The following CSNK1G1 variants were observed in gnomAD, a reference collection of about 807,000 sequenced individuals.
CSNK1G1 encodes the protein casein kinase 1 gamma 1.
Under a neutral mutation model 59.6 loss-of-function variants are expected in CSNK1G1, and 22 were observed. That is an observed-to-expected ratio of 0.37 (90% CI 0.26 to 0.53). The LOEUF (loss-of-function observed/expected upper bound fraction) is 0.53, where lower values mean the gene tolerates loss of function less well. Ranked by LOEUF, CSNK1G1 falls within the 20% of genes least tolerant of loss-of-function variation. CSNK1G1 has a pLI of 0.89. For missense variants in CSNK1G1, 384 were observed against 519.5 expected (o/e 0.74, Z 2.54); for synonymous variants, 179 against 177.1 (o/e 1.01, Z -0.08).
chr15:64,222,805 T>C (rs1336117357), intron 4 of CSNK1G1, among the ~76,000 whole-genome samples: 1 of 152,068 alleles, frequency 6.6e-6, no homozygotes, highest in Non-Finnish European at 1.5e-5. Context: ...AAAAACACTA[T>C]ATCTAGAGAG....
At chr15:64,204,784 C>A in intron 8 of CSNK1G1, 81 bp downstream of exon 8, 4 of 1,125,276 alleles carry the variant, frequency 3.6e-6, no homozygotes, top group Non-Finnish European at 5.4e-6. Flanking sequence ...CTAAACAGCA[C>A]CCCTATCTAG....
intron 10 of CSNK1G1, among the ~76,000 whole-genome samples, chr15:64,192,575 T>C (rs778333496): frequency 2.6e-5 from 4 of 152,116 alleles, no homozygotes; most frequent in Non-Finnish European, 5.9e-5. Flanking sequence ...CAGGGATTAA[T>C]GTAAGAGTGA....
At chr15:64,181,411 C>CT (rs1297307752) in intron 10 of CSNK1G1, 3 of 1,532,172 alleles carry the variant, frequency 2.0e-6, no homozygotes, top group Non-Finnish European at 2.6e-6. Flanking sequence ...ACAAAACACT[C>CT]TGCTTGTTAA....
chr15:64,207,760 G>T (rs144528532), intron 6 of CSNK1G1, among the ~76,000 whole-genome samples, 166 bp from the exon 7 acceptor site: 1 of 152,102 alleles, frequency 6.6e-6, no homozygotes, highest in Non-Finnish European at 1.5e-5. Context: ...ACCCTAAACC[G>T]ATGTGTACTT....
chr15:64,326,698 G>A (rs150815752), intron 1 of CSNK1G1, among the ~76,000 whole-genome samples: 1 of 151,718 alleles, frequency 6.6e-6, no homozygotes, highest in African/African-American at 2.4e-5. Context: ...GAACAGCTCC[G>A]GTCTACAGCT....
intron 1 of CSNK1G1, 46 bp from the exon 2 acceptor site, chr15:64,300,769 A>C: frequency 4.3e-6 from 5 of 1,155,854 alleles, no homozygotes; most frequent in Non-Finnish European, 5.5e-6. Context: ...TAAATTTTGA[A>C]ACAAATTCAG....
intron 6 of CSNK1G1, among the ~76,000 whole-genome samples, chr15:64,209,135 C>A (rs1361710958): frequency 6.6e-6 from 1 of 152,160 alleles, no homozygotes; most frequent in African/African-American, 2.4e-5. Context: ...AGCAATCAAC[C>A]AGCCTTGGCC....
At chr15:64,318,629 G>A (rs930109280) in intron 1 of CSNK1G1, among the ~76,000 whole-genome samples, 1 of 111,480 alleles carries the variant, frequency 9.0e-6, no homozygotes, top group African/African-American at 3.4e-5. Context: ...TTTTTTTTTT[G>A]AGACAAAGTT....
chr15:64,270,936 T>C (rs1226493266), intron 2 of CSNK1G1, among the ~76,000 whole-genome samples: 1 of 152,186 alleles, frequency 6.6e-6, no homozygotes, highest in Non-Finnish European at 1.5e-5. Flanking sequence ...TGAGTGATTT[T>C]CTTAGTCTTG....
intron 1 of CSNK1G1, among the ~76,000 whole-genome samples, chr15:64,348,649 G>C (rs927198043): frequency 3.3e-5 from 5 of 152,238 alleles, no homozygotes; most frequent in African/African-American, 1.2e-4. Context: ...CCACATCAGA[G>C]AGTGACCTCT....
chr15:64,326,355 T>C (rs1192081457), intron 1 of CSNK1G1, among the ~76,000 whole-genome samples: 1 of 152,030 alleles, frequency 6.6e-6, no homozygotes, highest in Non-Finnish European at 1.5e-5. Flanking sequence ...TTTAAAAAAG[T>C]AGTTTAGGCC....
chr15:64,201,705 CAT>C lies in CSNK1G1; in HGVS notation c.1107+1375_1107+1376del, dbSNP rs1491331029. Among the ~76,000 whole-genome samples, 418 of 104,232 alleles carry C rather than the reference CAT, an allele frequency of 4.0e-3. 1 individual carries two copies. Among genetic ancestry groups the C allele is most frequent in the Non-Finnish European group, 4.3e-3 (211 of 49,306 alleles). The allele number at this position is 104,232 out of a possible 152,430, so 68.4% of individuals were successfully genotyped here. A position where few individuals can be genotyped will look rare whatever the true frequency, so the allele number is the denominator to read the frequency against. ...ATATTTGTGGGTGTACTCCATTGGA[CAT>C]GTGTGTGTGTGTGTGTGTGTGTGTG... On this transcript the variant is annotated intron_variant, in intron 10 of 11. Transcript: ENST00000303052.
intron 10 of CSNK1G1, among the ~76,000 whole-genome samples, chr15:64,187,548 A>T (rs138588684): frequency 6.6e-6 from 1 of 152,218 alleles, no homozygotes; most frequent in African/African-American, 2.4e-5. Context: ...ATAGGGCCAA[A>T]ACTGTCTTTC....
chr15:64,311,882 A>T (rs1896017150), intron 1 of CSNK1G1, among the ~76,000 whole-genome samples: 1 of 152,094 alleles, frequency 6.6e-6, no homozygotes, highest in South Asian at 2.1e-4. Flanking sequence ...CATGCCTCAA[A>T]ATCTCCTTAA....
intron 4 of CSNK1G1, among the ~76,000 whole-genome samples, chr15:64,249,946 T>C (rs1201206119): frequency 6.6e-6 from 1 of 152,208 alleles, no homozygotes; most frequent in Non-Finnish European, 1.5e-5. Flanking sequence ...GCCTGTCCAC[T>C]TCCCCACTTA....
rs1470576075 is a variant in CSNK1G1 at position 64,188,800 on chromosome 15, A to G, written c.1108-8346T>C. Among the ~76,000 whole-genome samples, 1 of 152,190 alleles carries G rather than the reference A, an allele frequency of 6.6e-6. No individual in the cohort carries two copies. The highest frequency in any genetic ancestry group is 1.5e-5 in the Non-Finnish European group (1 of 68,030). On this transcript the variant is annotated intron_variant, in intron 10 of 11. Transcript: ENST00000303052. The surrounding 1 kb of genome is among the most constrained non-coding windows in gnomAD (Gnocchi z 4.2). ...ATCATCTTTTAGTTTCCATAGAGGT[A>G]AAATTTCAGTAGCCACTAAGCAGAT...
chr15:64,272,846 A>G (rs1196868428), intron 2 of CSNK1G1, among the ~76,000 whole-genome samples: 3 of 152,014 alleles, frequency 2.0e-5, no homozygotes, highest in Non-Finnish European at 4.4e-5. Context: ...CCTAGGCTCA[A>G]GAAATCTTGG....
intron 4 of CSNK1G1, among the ~76,000 whole-genome samples, chr15:64,222,807 T>A (rs2082408373): frequency 6.6e-6 from 1 of 152,008 alleles, no homozygotes. Flanking sequence ...AAACACTATA[T>A]CTAGAGAGTA....
intron 2 of CSNK1G1, among the ~76,000 whole-genome samples, chr15:64,283,889 T>C (rs945832638): frequency 6.6e-6 from 1 of 152,252 alleles, no homozygotes; most frequent in Non-Finnish European, 1.5e-5. Flanking sequence ...TTTGGTATCA[T>C]AACTAAGAAT....
Sources: gnomAD v4.1 joint callset for allele counts (sites outside exome capture counted in the v4.1 genomes callset) on GRCh38, gnomAD v4.1.1 for gene constraint, Gnocchi (gnomAD v3.1) non-coding constraint, MANE v1.5 for transcripts, NCBI Gene and HGNC (gene_info 2026-07-23, HGNC 2026-07-21) for gene names.